Variants in NTM observed in about 807,000 individuals in gnomAD.
NTM encodes the protein IgLON family member 2.
Under a neutral mutation model 42.1 loss-of-function variants are expected in NTM, and 13 were observed. The observed-to-expected ratio is 0.31, with a 90% confidence interval of 0.20 to 0.49. NTM has a LOEUF of 0.49. Among genes scored for constraint, NTM ranks in the 20% least tolerant of loss-of-function variants. NTM has a pLI of 0.99. For missense variants in NTM, 373 were observed against 452.8 expected (o/e 0.82, Z 1.60); for synonymous variants, 187 against 179.2 (o/e 1.04, Z -0.35).
intron 1 of NTM, among the ~76,000 whole-genome samples, chr11:131,782,854 A>G (rs371231930): frequency 7.2e-5 from 11 of 152,174 alleles, no homozygotes; most frequent in East Asian, 3.8e-4. Context: ...TGTAATCTAC[A>G]GAAAACCTAT....
intron 2 of NTM, among the ~76,000 whole-genome samples, chr11:131,978,242 A>G (rs1257398888): frequency 7.2e-5 from 11 of 152,214 alleles, no homozygotes; most frequent in African/African-American, 2.7e-4. Flanking sequence ...GAAAGCCTGG[A>G]ATAAAACCAT....
At chr11:131,760,206 T>C (rs2083927743) in intron 1 of NTM, among the ~76,000 whole-genome samples, 1 of 152,156 alleles carries the variant, frequency 6.6e-6, no homozygotes, top group Admixed American at 6.6e-5. Flanking sequence ...GAAGGTTCTA[T>C]GGGAGAGAAA....
intron 1 of NTM, among the ~76,000 whole-genome samples, chr11:131,468,410 C>A (rs909698188): frequency 6.6e-6 from 1 of 152,252 alleles, no homozygotes; most frequent in African/African-American, 2.4e-5. Flanking sequence ...CCAGCTGCAT[C>A]TCTGAGAACC....
chr11:131,835,240 A>G (rs2043337959), intron 1 of NTM, among the ~76,000 whole-genome samples: 1 of 152,160 alleles, frequency 6.6e-6, no homozygotes, highest in African/African-American at 2.4e-5. Flanking sequence ...TTGAAAATAC[A>G]TGTGTGTTGT....
chr11:131,796,334 C>T (rs571679927), intron 1 of NTM: 14 of 209,686 alleles, frequency 6.7e-5, no homozygotes, highest in East Asian at 1.9e-4. Flanking sequence ...GAGGGTCACG[C>T]GGAGCTGGGA....
At chr11:131,413,313 C>T (rs1158004939) in intron 1 of NTM, among the ~76,000 whole-genome samples, 2 of 152,178 alleles carry the variant, frequency 1.3e-5, no homozygotes, top group African/African-American at 2.4e-5. Context: ...CTTTAAATAG[C>T]ATTTTATTCT....
chr11:132,039,611 G>C (rs887369211), intron 2 of NTM, among the ~76,000 whole-genome samples: 1 of 152,026 alleles, frequency 6.6e-6, no homozygotes, highest in Non-Finnish European at 1.5e-5. Flanking sequence ...AGAAACCTTC[G>C]CAGAGGTGGT....
chr11:131,931,841 G>A (rs2058667683), intron 2 of NTM, among the ~76,000 whole-genome samples: 2 of 152,172 alleles, frequency 1.3e-5, no homozygotes, highest in Admixed American at 1.3e-4. Flanking sequence ...TGAGGGCCAG[G>A]GCGGCTGTGC....
At chr11:131,454,679 G>A (rs1035721034) in intron 1 of NTM, among the ~76,000 whole-genome samples, 47 of 152,160 alleles carry the variant, frequency 3.1e-4, no homozygotes, top group African/African-American at 1.1e-3. Context: ...TTCACAGGCA[G>A]TGTGTTTGCA....
chr11:132,134,077 C>T (rs945004452), intron 2 of NTM, among the ~76,000 whole-genome samples: 2 of 152,156 alleles, frequency 1.3e-5, no homozygotes, highest in Non-Finnish European at 2.9e-5. Context: ...GCACATGCCA[C>T]CCTGCCCAGC....
At chr11:132,250,809 T>C (rs560098651) in intron 4 of NTM, among the ~76,000 whole-genome samples, 22 of 152,328 alleles carry the variant, frequency 1.4e-4, no homozygotes, top group African/African-American at 4.8e-4. Flanking sequence ...TATAAAGATA[T>C]TTGTTTTACA....
chr11:131,822,038 A>G (rs1565594675), intron 1 of NTM, among the ~76,000 whole-genome samples: 1 of 152,220 alleles, frequency 6.6e-6, no homozygotes, highest in Non-Finnish European at 1.5e-5. Context: ...GAAAGTCGAA[A>G]CACTTTTAGA....
intron 6 of NTM, 128 bp downstream of exon 6, chr11:132,310,360 G>A (rs1175246066): frequency 1.7e-5 from 14 of 827,752 alleles, no homozygotes; most frequent in Non-Finnish European, 1.9e-5. Flanking sequence ...TCTATAGGGG[G>A]CAAATGTGCA....
chr11:132,063,881 CCT>C (rs1455609375), intron 2 of NTM, among the ~76,000 whole-genome samples: 2 of 152,174 alleles, frequency 1.3e-5, no homozygotes, highest in Non-Finnish European at 2.9e-5. Context: ...CCATCTTCAC[CCT>C]CTCTAAGCTT....
At chr11:131,891,546 A>G (rs2051340497) in intron 1 of NTM, among the ~76,000 whole-genome samples, 2 of 152,150 alleles carry the variant, frequency 1.3e-5, no homozygotes, top group African/African-American at 4.8e-5. Context: ...TTTAGCCATG[A>G]CATCCTGAGC....
chr11:131,436,002 G>T lies in NTM; in HGVS notation c.82+65114G>T, dbSNP rs190717715. 6.7e-4 allele frequency among the ~76,000 whole-genome samples: 102 copies of T among 152,306 alleles called. 1 individual carries two copies. Among genetic ancestry groups the T allele is most frequent in the African/African-American group, 2.3e-3 (96 of 41,570 alleles). ...CTGAGAGTTTTTAGCATGAAGGGCT[G>T]TTCAATTTTGTCAAAGGCTTTTTCT... On this transcript the variant is annotated intron_variant, in intron 1 of 8. Transcript: ENST00000683400.
At chr11:132,330,120 C>A (rs750078093) in intron 7 of NTM, 33 bp from the exon 8 acceptor site, 92 of 1,551,426 alleles carry the variant, frequency 5.9e-5, no homozygotes, top group South Asian at 1.8e-4. Flanking sequence ...CTGCTTTCGA[C>A]CTTAACAGTG....
At chr11:131,481,407 C>A (rs1953572383) in intron 1 of NTM, among the ~76,000 whole-genome samples, 2 of 152,172 alleles carry the variant, frequency 1.3e-5, no homozygotes, top group Middle Eastern at 3.2e-3. Flanking sequence ...AGTCATAGGA[C>A]TGACCCCAGT....
At chr11:132,237,390 C>G (rs1053641814) in intron 4 of NTM, among the ~76,000 whole-genome samples, 1 of 152,250 alleles carries the variant, frequency 6.6e-6, no homozygotes, top group Non-Finnish European at 1.5e-5. Flanking sequence ...ACAGTGATCC[C>G]AGAGTTTCTG....
Sources: gnomAD v4.1 joint callset for allele counts (sites outside exome capture counted in the v4.1 genomes callset) on GRCh38, gnomAD v4.1.1 for gene constraint, MANE v1.5 for transcripts, NCBI Gene and HGNC (gene_info 2026-07-23, HGNC 2026-07-21) for gene names.